Variants in MMP25 observed in about 807,000 individuals in gnomAD.
MMP25 encodes the protein matrix metallopeptidase 25.
MMP25 carries 68 observed loss-of-function variants against 62.1 expected under a neutral mutation model. That is an observed-to-expected ratio of 1.10 (90% CI 0.90 to 1.34). The LOEUF (loss-of-function observed/expected upper bound fraction) is 1.34, where lower values mean the gene tolerates loss of function less well. Ranked by LOEUF, MMP25 falls within the 40% of genes most tolerant of loss-of-function variation. MMP25 has a pLI of 0.00. For synonymous variants in MMP25, 407 were observed against 345.6 expected (o/e 1.18, Z -1.97); for missense variants, 942 against 792.5 (o/e 1.19, Z -2.26).
intron 2 of MMP25, among the ~76,000 whole-genome samples, chr16:3,049,344 A>C (rs1229402942): frequency 1.3e-5 from 2 of 152,188 alleles, no homozygotes; most frequent in Non-Finnish European, 2.9e-5. Flanking sequence ...GGCTCACTAC[A>C]AGGAAAGGTA....
chr16:3,058,935 C>A lies in MMP25; in HGVS notation c.1526C>A (p.Pro509His). 3 of 1,549,616 alleles carry A rather than the reference C, an allele frequency of 1.9e-6. No individual in the cohort carries two copies. Among genetic ancestry groups the A allele is most frequent in the South Asian group, 1.2e-5 (1 of 83,900 alleles). ...ATGGGGCCCAACTGGCTGGACTGCC[C>A]CGCCCCGAGCTCTGGTCCCCGCGCC... is the stretch of plus-strand genomic sequence containing the variant. ...QPMGPNWLDC[P>H]APSSGPRAPR... Residue 509 changes from proline (P) to histidine (H), a missense_variant, in exon 10 of 10, where the codon CCC (proline) becomes CAC (histidine). Pro to His is a moderately conservative substitution (Grantham distance 77). Coordinates refer to ENST00000336577, the MANE Select transcript of MMP25 (RefSeq NM_022468.5).
intron 4 of MMP25, chr16:3,056,028 C>G: frequency 2.3e-6 from 1 of 438,832 alleles, no homozygotes; most frequent in Non-Finnish European, 4.6e-6. Flanking sequence ...GCTAGAGGAG[C>G]TCTGTGTTCC....
intron 4 of MMP25, chr16:3,056,781 G>A: frequency 2.3e-6 from 1 of 436,738 alleles, no homozygotes; most frequent in Non-Finnish European, 4.1e-6. Context: ...CGGTGTGTAA[G>A]GTGGCCTATT....
chr16:3,048,415 T>C (rs1332675844), intron 2 of MMP25, among the ~76,000 whole-genome samples: 2 of 152,144 alleles, frequency 1.3e-5, no homozygotes, highest in Non-Finnish European at 2.9e-5. Context: ...GCTAACTTTC[T>C]CGAGGGAGAG....
In MMP25 at chr16:3,046,745, C is replaced by A; in HGVS notation, c.-173C>A. The A allele has an allele frequency of 2.3e-6, 1 of 433,534 alleles. No homozygotes were observed. Among genetic ancestry groups the A allele is most frequent in the Non-Finnish European group, 4.0e-6 (1 of 247,042 alleles). 26.9% of individuals were successfully genotyped at this position (433,534 alleles called of 1,614,324 possible). A position where few individuals can be genotyped will look rare whatever the true frequency, so the allele number is the denominator to read the frequency against. On this transcript the variant is annotated 5_prime_UTR_variant, in exon 1 of 10. Coordinates refer to ENST00000336577, the MANE Select transcript of MMP25 (RefSeq NM_022468.5). ...CCTCCGGGACCCTCCGCTGACTCCACCGCGCACTTCCCGGGACCCCCACAC... is the reference window on the plus strand; with the variant it reads ...CCTCCGGGACCCTCCGCTGACTCCAACGCGCACTTCCCGGGACCCCCACAC...
Position 3,050,054 on chromosome 16 carries a change from C to G in MMP25, c.278C>G (p.Pro93Arg). The G allele has an allele frequency of 6.2e-7, 1 of 1,611,112 alleles. No homozygotes were observed. ...ATMRKPRCSL[P>R]DVLGVAGLVR... ...ATGCGTAAGCCCCGCTGCTCCCTGCCTGACGTGCTGGGGGTGGCGGGGCTG... is the reference window on the plus strand; with the variant it reads ...ATGCGTAAGCCCCGCTGCTCCCTGCGTGACGTGCTGGGGGTGGCGGGGCTG... The change falls in exon 3 of 10, where the codon CCT (proline) becomes CGT (arginine). Residue 93 changes from proline (P) to arginine (R), a missense_variant. Pro to Arg is a moderately radical substitution (Grantham distance 103, BLOSUM62 -2). Coordinates refer to ENST00000336577, the MANE Select transcript of MMP25 (RefSeq NM_022468.5).
In MMP25 at chr16:3,059,419, G is replaced by C. The variant is rs1257890012; in HGVS notation, c.*321G>C. The C allele has an allele frequency of 7.7e-6, 2 of 258,912 alleles. No homozygotes were observed. The highest frequency in any genetic ancestry group is 4.4e-5 in the African/African-American group (2 of 45,016). The allele number at this position is 258,912 out of a possible 1,614,324, so 16.0% of individuals were successfully genotyped here. ...TCCCGGCTGCCGCCAGGGGGCGGTC[G>C]GACCCCGCCTCCCGAGCCCGGGGAG... On this transcript the variant is annotated 3_prime_UTR_variant, in exon 10 of 10. Coordinates refer to ENST00000336577, the MANE Select transcript of MMP25 (RefSeq NM_022468.5).
Position 3,058,322 on chromosome 16 carries a change from T to C in MMP25, c.1148T>C (p.Leu383Pro). The change falls in exon 8 of 10, where the codon CTC becomes CCC. Residue 383 changes from leucine to proline, a missense_variant. Leu to Pro is a moderately conservative substitution (Grantham distance 98). Transcript: ENST00000336577. ...GCTCGGCACCGAGACGGCCGAATCC[T>C]CCTCTTTAGCGGTGAGTGGGGCCGG... ...AYARHRDGRI[L>P]LFSGPQFWVF... 1.3e-6 allele frequency: 2 copies of C among 1,592,306 alleles called. No individual in the cohort carries two copies. The highest frequency in any genetic ancestry group is 1.7e-6 in the Non-Finnish European group (2 of 1,171,234).
intron 7 of MMP25, 169 bp downstream of exon 7, chr16:3,057,782 T>A: frequency 1.5e-6 from 1 of 666,022 alleles, no homozygotes; most frequent in Non-Finnish European, 2.6e-6. Flanking sequence ...CACTGCAGCC[T>A]CAAAATACTG....
chr16:3,057,161 A>G lies in MMP25; in HGVS notation c.790A>G (p.Lys264Glu), dbSNP rs771314509. Residue 264 changes from lysine (K) to glutamate (E), a missense_variant, in exon 5 of 10, where the codon AAG becomes GAG. Lys to Glu is a moderately conservative substitution (Grantham distance 56). Coordinates refer to ENST00000336577, the MANE Select transcript of MMP25 (RefSeq NM_022468.5). ...FYQGPVGDPD[K>E]YRLSQDDRDG... ...CCAGGGTCCGGTGGGCGACCCTGAC[A>G]AGTACCGCCTGTCTCAGGATGACCG... 10 of 1,612,936 alleles carry G rather than the reference A, an allele frequency of 6.2e-6. No homozygotes were observed. In the South Asian group the frequency reaches 9.9e-5, roughly 16 times the overall value.
In MMP25 at chr16:3,047,264, G is replaced by A. The variant is rs1047195355; in HGVS notation, c.100-151G>A. On this transcript the variant is annotated intron_variant, in intron 1 of 9. Coordinates refer to ENST00000336577, the MANE Select transcript of MMP25 (RefSeq NM_022468.5). Reference sequence around the variant, plus strand: ...AGACTGGCAAACCCGGGACTGAAGCGGGGACCTATGGAGGGGAGCAGGCAG... The same window carrying A: ...AGACTGGCAAACCCGGGACTGAAGCAGGGACCTATGGAGGGGAGCAGGCAG... 5 of 1,214,252 alleles carry A rather than the reference G, an allele frequency of 4.1e-6. No individual in the cohort carries two copies. The African/African-American group carries it at 7.7e-5, about 19-fold the overall frequency. The allele number at this position is 1,214,252 out of a possible 1,614,324, so 75.2% of individuals were successfully genotyped here.
In MMP25 at chr16:3,046,921, C is replaced by A. The variant is rs961456599; in HGVS notation, c.4C>A (p.Arg2=). 1 of 1,448,990 alleles carries A rather than the reference C, an allele frequency of 6.9e-7. No homozygotes were observed. Among genetic ancestry groups the A allele is most frequent in the Non-Finnish European group, 9.0e-7 (1 of 1,108,142 alleles). 89.8% of individuals were successfully genotyped at this position (1,448,990 alleles called of 1,614,324 possible). A position where few individuals can be genotyped will look rare whatever the true frequency, so the allele number is the denominator to read the frequency against. The stretch of plus-strand genomic sequence containing the variant: ...GCGGCCCGGGCTGGGGCGCACCATG[C>A]GGCTGCGGCTCCGGCTTCTGGCGCT... M[R]LRLRLLALLL... The change falls in exon 1 of 10, where the codon CGG becomes AGG. Residue 2 remains arginine, a synonymous_variant. Transcript: ENST00000336577.
At position 3,050,539 on chromosome 16, in the gene MMP25, G is replaced by T. The variant is rs1455512026; in HGVS notation, c.654G>T (p.Gly218=). 1 of 1,537,942 alleles carries T rather than the reference G, an allele frequency of 6.5e-7. No individual in the cohort carries two copies. Among genetic ancestry groups the T allele is most frequent in the South Asian group, 1.2e-5 (1 of 80,598 alleles). Reference sequence around the variant, plus strand: ...ACGATGAGGAGACCTGGACTTTTGGGTCAAAAGGTAAAATCTCCTCTCTTA... The same window carrying T: ...ACGATGAGGAGACCTGGACTTTTGGTTCAAAAGGTAAAATCTCCTCTCTTA... ...HFDDEETWTF[G]SKDGEGTDLF... is the part of the protein sequence containing the mutation. Residue 218 remains glycine (G), a synonymous_variant, in exon 4 of 10, where the codon GGG becomes GGT. Coordinates refer to ENST00000336577, the MANE Select transcript of MMP25 (RefSeq NM_022468.5).
intron 4 of MMP25, 52 bp downstream of exon 4, chr16:3,050,598 A>AT (rs775666912): frequency 6.8e-7 from 1 of 1,474,288 alleles, no homozygotes; most frequent in South Asian, 1.4e-5. Context: ...GGTCTTAAGA[A>AT]TAAGTTTTCT....
At position 3,046,877 on chromosome 16, in the gene MMP25, C is replaced by A. The variant is rs1370255902; in HGVS notation, c.-41C>A. On this transcript the variant is annotated 5_prime_UTR_variant, in exon 1 of 10. Transcript: ENST00000336577. ...GGTCCCCGGGGCGGCCCCAGCCAGG[C>A]CCCCTTCGAACCCCGCCGGCGGCCC... 15 of 1,239,390 alleles carry A rather than the reference C, an allele frequency of 1.2e-5. No individual in the cohort carries two copies. The highest frequency in any genetic ancestry group is 1.8e-5 in the South Asian group (1 of 56,684). 76.8% of individuals were successfully genotyped at this position (1,239,390 alleles called of 1,614,324 possible).
Position 3,047,553 on chromosome 16 carries a change from T to C in MMP25, c.232+6T>C. ...GCCGGAGACCGGCCGCATGGGTAGGTGGCCCCCACCCCTCCCCAGCCCTGC... is the reference window on the plus strand; with the variant it reads ...GCCGGAGACCGGCCGCATGGGTAGGCGGCCCCCACCCCTCCCCAGCCCTGC... On this transcript the variant is annotated splice_donor_region_variant and intron_variant, in intron 2 of 9. Transcript: ENST00000336577. 6.2e-7 allele frequency: 1 copy of C among 1,611,834 alleles called. No individual in the cohort carries two copies. Among genetic ancestry groups the C allele is most frequent in the East Asian group, 2.2e-5 (1 of 44,848 alleles).
chr16:3,054,966 G>A (rs1405806482), intron 4 of MMP25: 1 of 153,612 alleles, frequency 6.5e-6, no homozygotes, highest in African/African-American at 2.4e-5. Flanking sequence ...GGCAGGAGGT[G>A]AGCATGGGGA....
Position 3,059,354 on chromosome 16 carries a change from G to T in MMP25, c.*256G>T. ...GGAACCCGCCTTCAGGGGCGCACGCGCGCTGGGACCATGCGTCGGTCGTCG... is the reference window on the plus strand; with the variant it reads ...GGAACCCGCCTTCAGGGGCGCACGCTCGCTGGGACCATGCGTCGGTCGTCG... On this transcript the variant is annotated 3_prime_UTR_variant, in exon 10 of 10. Coordinates refer to ENST00000336577, the MANE Select transcript of MMP25 (RefSeq NM_022468.5). 1 of 380,706 alleles carries T rather than the reference G, an allele frequency of 2.6e-6. No homozygotes were observed. Among genetic ancestry groups the T allele is most frequent in the Non-Finnish European group, 4.6e-6 (1 of 216,688 alleles). 23.6% of individuals were successfully genotyped at this position (380,706 alleles called of 1,614,324 possible).
rs577345364 is a variant in MMP25, at chr16:3,059,499, C to G, written c.*401C>G. 167 of 174,166 alleles carry G rather than the reference C, an allele frequency of 9.6e-4. No homozygotes were observed. The highest frequency in any genetic ancestry group is 3.8e-3 in the African/African-American group (160 of 42,456). The allele number at this position is 174,166 out of a possible 1,614,324, so 10.8% of individuals were successfully genotyped here. A position where few individuals can be genotyped will look rare whatever the true frequency, so the allele number is the denominator to read the frequency against. ...GCCTCACCCGGAGGGACGGCAGCCC[C>G]GGTCGCGCGCTGGCCCCGCAGGACC... On this transcript the variant is annotated 3_prime_UTR_variant, in exon 10 of 10. Transcript: ENST00000336577.
Sources: gnomAD v4.1 joint callset for allele counts (sites outside exome capture counted in the v4.1 genomes callset) on GRCh38, gnomAD v4.1.1 for gene constraint, MANE v1.5 for transcripts, NCBI Gene and HGNC (gene_info 2026-07-23, HGNC 2026-07-21) for gene names.